The following RAD54L2 variants were observed in gnomAD, a reference collection of about 807,000 sequenced individuals.
RAD54L2 encodes helicase ARIP4.
RAD54L2 carries 27 observed loss-of-function variants against 138.4 expected under a neutral mutation model. The observed-to-expected ratio is 0.20, with a 90% CI of 0.14 to 0.27. RAD54L2 has a LOEUF of 0.27. Ranked by LOEUF, RAD54L2 falls within the 10% of genes least tolerant of loss-of-function variation. The pLI is 1.00. For synonymous variants in RAD54L2, 644 were observed against 723.2 expected (o/e 0.89, Z 1.76); for missense variants, 1,396 against 1,890.2 (o/e 0.74, Z 4.85).
intron 2 of RAD54L2, among the ~76,000 whole-genome samples, chr3:51,561,451 G>A (rs1559617334): frequency 6.6e-6 from 1 of 152,132 alleles, no homozygotes; most frequent in Non-Finnish European, 1.5e-5. Flanking sequence ...CACCATGGTG[G>A]CCAGGCTGCT....
intron 3 of RAD54L2, among the ~76,000 whole-genome samples, chr3:51,626,772 T>G (rs1700701688): frequency 6.6e-6 from 1 of 152,078 alleles, no homozygotes; most frequent in African/African-American, 2.4e-5. Flanking sequence ...GCATTACCTT[T>G]AGACATTCTG....
At chr3:51,582,466 T>C (rs1321961715) in intron 2 of RAD54L2, among the ~76,000 whole-genome samples, 4 of 152,160 alleles carry the variant, frequency 2.6e-5, no homozygotes, top group African/African-American at 9.7e-5. Context: ...TTTTCAGAGC[T>C]CAGCTTTCTA....
At chr3:51,616,068 G>C (rs543588170) in intron 3 of RAD54L2, among the ~76,000 whole-genome samples, 1 of 152,032 alleles carries the variant, frequency 6.6e-6, no homozygotes, top group South Asian at 2.1e-4. Context: ...TATTTTTCAA[G>C]ATCAATTCAG....
intron 2 of RAD54L2, among the ~76,000 whole-genome samples, chr3:51,562,362 G>T (rs1255433352): frequency 1.3e-5 from 2 of 152,142 alleles, no homozygotes; most frequent in African/African-American, 4.8e-5. Flanking sequence ...CTCCCAAGTA[G>T]CTGGGATTAC....
chr3:51,551,860 C>T (rs1301971437), intron 2 of RAD54L2, among the ~76,000 whole-genome samples: 1 of 151,612 alleles, frequency 6.6e-6, no homozygotes, highest in African/African-American at 2.4e-5. Flanking sequence ...TCAGACGATT[C>T]TCCTGCCTCA....
At chr3:51,590,097 T>C (rs893877482) in intron 2 of RAD54L2, among the ~76,000 whole-genome samples, 47 of 152,142 alleles carry the variant, frequency 3.1e-4, no homozygotes, top group Admixed American at 2.9e-3. Flanking sequence ...TTCAAGCAAT[T>C]CTCATGCCTC....
chr3:51,633,287 C>T (rs758790043), intron 7 of RAD54L2, among the ~76,000 whole-genome samples: 1 of 152,132 alleles, frequency 6.6e-6, no homozygotes, highest in African/African-American at 2.4e-5. Flanking sequence ...CTTTCCAATG[C>T]TGAGGGAAGC....
chr3:51,616,451 A>G (rs1374414160), intron 3 of RAD54L2, among the ~76,000 whole-genome samples: 1 of 152,188 alleles, frequency 6.6e-6, no homozygotes, highest in Non-Finnish European at 1.5e-5. Context: ...TTAATGTGTA[A>G]TTTAAATACA....
chr3:51,587,550 A>G (rs930746029), intron 2 of RAD54L2, among the ~76,000 whole-genome samples: 6 of 152,162 alleles, frequency 3.9e-5, no homozygotes, highest in African/African-American at 1.4e-4. Context: ...TGAGTTATTA[A>G]TGCAAAAATT....
chr3:51,608,200 G>T (rs554089533), intron 3 of RAD54L2, among the ~76,000 whole-genome samples: 1 of 151,674 alleles, frequency 6.6e-6, no homozygotes, highest in East Asian at 1.9e-4. Flanking sequence ...GGTCGCGGCC[G>T]GGCAGAGGCG....
intron 2 of RAD54L2, among the ~76,000 whole-genome samples, chr3:51,550,050 C>T (rs907275244): frequency 6.6e-6 from 1 of 152,168 alleles, no homozygotes; most frequent in Non-Finnish European, 1.5e-5. Flanking sequence ...TCTTGCCTGG[C>T]TGCTTTTCAC....
At chr3:51,623,052 C>G (rs945683608) in intron 3 of RAD54L2, among the ~76,000 whole-genome samples, 2 of 152,238 alleles carry the variant, frequency 1.3e-5, no homozygotes, top group Non-Finnish European at 2.9e-5. Flanking sequence ...TTCCACTGTG[C>G]CTTGGCACAG....
rs764398765 is a variant in RAD54L2 at position 51,637,461 on chromosome 3, G to A, written c.1640G>A (p.Arg547Gln). 1.9e-6 allele frequency: 3 copies of A among 1,613,802 alleles called. No homozygotes were observed. Among genetic ancestry groups the A allele is most frequent in the Non-Finnish European group, 8.5e-7 (1 of 1,179,820 alleles). ...CAGGACGTCCGCCTCATGCGGTACC[G>A]GAGCCATGTCCTGCACAGTCTTCTG... ...TPQDVRLMRY[R>Q]SHVLHSLLEG... Residue 547 changes from arginine (R) to glutamine (Q), a missense_variant, in exon 11 of 23, where the codon CGG becomes CAG. This residue lies in a region of RAD54L2 where 36 missense variants were observed against 107.2 expected (regional missense o/e 0.34). Transcript: ENST00000684192. This position sits in a 1 kb window ranked among gnomAD's most constrained non-coding sequence, Gnocchi z 5.9.
chr3:51,566,137 C>G (rs1699211502), intron 2 of RAD54L2, among the ~76,000 whole-genome samples: 1 of 152,166 alleles, frequency 6.6e-6, no homozygotes, highest in African/African-American at 2.4e-5. Flanking sequence ...ACTGAGCTCC[C>G]TTTATGTCTA....
chr3:51,628,041 C>G (rs1471974145), intron 4 of RAD54L2, among the ~76,000 whole-genome samples: 1 of 152,114 alleles, frequency 6.6e-6, no homozygotes, highest in East Asian at 1.9e-4. Flanking sequence ...GTGCTCTGAG[C>G]TGGACTTTCC....
chr3:51,607,886 G>A (rs1472226779), intron 3 of RAD54L2, among the ~76,000 whole-genome samples: 1 of 146,814 alleles, frequency 6.8e-6, no homozygotes, highest in Admixed American at 6.7e-5. Flanking sequence ...CCGGGCGGGG[G>A]CTGCCCCCCA....
At chr3:51,561,315 G>C (rs370089163) in intron 2 of RAD54L2, among the ~76,000 whole-genome samples, 2 of 152,074 alleles carry the variant, frequency 1.3e-5, no homozygotes, top group African/African-American at 4.8e-5. Flanking sequence ...ATGTGATCTC[G>C]GTTCATTGCA....
At chr3:51,611,456 G>T (rs1435635975) in intron 3 of RAD54L2, 2 of 152,072 alleles carry the variant, frequency 1.3e-5, no homozygotes, top group Non-Finnish European at 2.9e-5. Flanking sequence ...GTGGTTCAAT[G>T]CCTCAAAGTA....
intron 2 of RAD54L2, among the ~76,000 whole-genome samples, chr3:51,569,947 T>G: frequency 6.6e-6 from 1 of 151,654 alleles, no homozygotes; most frequent in South Asian, 2.1e-4. Context: ...ATACTTCCAC[T>G]TCACCTTCCT....
Sources: allele counts gnomAD v4.1 joint callset (sites outside exome capture counted in the v4.1 genomes callset), GRCh38; gene constraint gnomAD v4.1.1; regional missense constraint gnomAD v4.1.1; non-coding constraint Gnocchi (gnomAD v3.1); transcripts MANE v1.5; gene names NCBI Gene and HGNC (gene_info 2026-07-23, HGNC 2026-07-21).